SDR42E1: variants seen among roughly 807,000 people sequenced by gnomAD.
The protein encoded by SDR42E1 is short chain dehydrogenase/reductase family 42E, member 1, also known as short-chain dehydrogenase/reductase family 42E member 1.
In SDR42E1, 5 loss-of-function variants were observed where a neutral mutation model predicts 2.6. The ratio of observed to expected loss-of-function variants is 1.94; its 90% CI spans 1.01 to 4.08. The LOEUF (loss-of-function observed/expected upper bound fraction) is 4.08, where lower values mean the gene tolerates loss of function less well. SDR42E1 is among the 30% of genes most tolerant of loss of function. SDR42E1 has a pLI of 0.00. For missense variants in SDR42E1, 596 were observed against 478.6 expected (o/e 1.25, Z -2.29); for synonymous variants, 231 against 188.3 (o/e 1.23, Z -1.86).
chr16:82,008,507 G>C (rs1157704071), intron 1 of SDR42E1, among the ~76,000 whole-genome samples: 1 of 152,218 alleles, frequency 6.6e-6, no homozygotes, highest in African/African-American at 2.4e-5. Context: ...GGTGGTCTCA[G>C]AGATGAGGAA....
chr16:82,002,847 C>T (rs1024741176), intron 1 of SDR42E1, among the ~76,000 whole-genome samples: 7 of 152,198 alleles, frequency 4.6e-5, no homozygotes, highest in South Asian at 4.1e-4. Context: ...TCCAACAAAA[C>T]ACCTGACACC....
chr16:82,007,708 G>C (rs1397018711), intron 1 of SDR42E1: 1 of 152,288 alleles, frequency 6.6e-6, no homozygotes, highest in Non-Finnish European at 1.5e-5. Context: ...GCAGTTCCCA[G>C]AGAAAATGAA....
Position 81,989,107 on chromosome 16 carries a change from C to A in SDR42E1, c.*10004G>T, listed in dbSNP as rs753114457. 2 of 152,092 alleles carry A rather than the reference C, an allele frequency of 1.3e-5. No homozygotes were observed. The highest frequency in any genetic ancestry group is 2.9e-5 in the Non-Finnish European group (2 of 68,024). 9.4% of individuals were successfully genotyped at this position (152,092 alleles called of 1,614,324 possible). ...GGACATACCTGAGAGTGAAAGGAAG[C>A]ACTATTAAAAATTAAGGTGGGACTA... On this transcript the variant is annotated 3_prime_UTR_variant, in exon 3 of 3. Coordinates refer to ENST00000328945, the MANE Select transcript of SDR42E1 (RefSeq NM_145168.3).
rs1874084965 is a variant in SDR42E1, at chr16:81,996,628, C to T, written c.*2483G>A. The T allele has an allele frequency of 6.6e-6, 1 of 152,086 alleles. No individual in the cohort carries two copies. The highest frequency in any genetic ancestry group is 1.5e-5 in the Non-Finnish European group (1 of 68,066). 9.4% of individuals were successfully genotyped at this position (152,086 alleles called of 1,614,324 possible). A position where few individuals can be genotyped will look rare whatever the true frequency, so the allele number is the denominator to read the frequency against. ...GTCTGGAACTGTACATCTAGTAGTA[C>T]ATATTTGGGCTGGGAGATGAAAATG... On this transcript the variant is annotated 3_prime_UTR_variant, in exon 3 of 3. Coordinates refer to ENST00000328945, the MANE Select transcript of SDR42E1 (RefSeq NM_145168.3).
intron 1 of SDR42E1, among the ~76,000 whole-genome samples, chr16:82,001,242 A>T (rs1396087681): frequency 1.3e-5 from 2 of 152,142 alleles, no homozygotes; most frequent in Non-Finnish European, 2.9e-5. Flanking sequence ...AATTGATTCA[A>T]ATTTGGTAGG....
rs1185589377 is a variant in SDR42E1 at position 81,992,294 on chromosome 16, T to C, written c.*6817A>G. The C allele has an allele frequency of 6.6e-6, 1 of 152,236 alleles. No homozygotes were observed. Among genetic ancestry groups the C allele is most frequent in the East Asian group, 1.9e-4 (1 of 5,198 alleles). 9.4% of individuals were successfully genotyped at this position (152,236 alleles called of 1,614,324 possible). A position where few individuals can be genotyped will look rare whatever the true frequency, so the allele number is the denominator to read the frequency against. ...AGGTTAATATTGATCATTAGCTTCATGTTGAACATTCCCAGAAGCTAAATC... is the reference window on the plus strand; with the variant it reads ...AGGTTAATATTGATCATTAGCTTCACGTTGAACATTCCCAGAAGCTAAATC... On this transcript the variant is annotated 3_prime_UTR_variant, in exon 3 of 3. Coordinates refer to ENST00000328945, the MANE Select transcript of SDR42E1 (RefSeq NM_145168.3).
rs1298750314 is a variant in SDR42E1, at chr16:81,995,183, G to A, written c.*3928C>T. On this transcript the variant is annotated 3_prime_UTR_variant, in exon 3 of 3. Coordinates refer to ENST00000328945, the MANE Select transcript of SDR42E1 (RefSeq NM_145168.3). ...CATTGCGACCCTCCATCAATCATAT[G>A]GATAACCTCCCACACACTCCTCAGA... 1.3e-5 allele frequency: 2 copies of A among 152,188 alleles called. No individual in the cohort carries two copies. The highest frequency in any genetic ancestry group is 6.5e-5 in the Admixed American group (1 of 15,268). 9.4% of individuals were successfully genotyped at this position (152,188 alleles called of 1,614,324 possible).
At position 81,998,817 on chromosome 16, in the gene SDR42E1, T is replaced by A. The variant is rs1171655122; in HGVS notation, c.*294A>T. 5 of 361,848 alleles carry A rather than the reference T, an allele frequency of 1.4e-5. No individual in the cohort carries two copies. Among genetic ancestry groups the A allele is most frequent in the African/African-American group, 2.1e-5 (1 of 47,482 alleles). 22.4% of individuals were successfully genotyped at this position (361,848 alleles called of 1,614,324 possible). A position where few individuals can be genotyped will look rare whatever the true frequency, so the allele number is the denominator to read the frequency against. ...CCCTCTCAGAAATTCAAGATGGGCA[T>A]CTCCAACTCAACTAAGCCTACTTCT... On this transcript the variant is annotated 3_prime_UTR_variant, in exon 3 of 3. Transcript: ENST00000328945.
In SDR42E1 at chr16:81,994,184, C is replaced by T. The variant is rs1912490735; in HGVS notation, c.*4927G>A. On this transcript the variant is annotated 3_prime_UTR_variant, in exon 3 of 3. Transcript: ENST00000328945. ...ACGATCTGGAATGATGAGCGTCCCG[C>T]AGGCAGCGTTACGGAACCCCAGTGT... 1 of 152,178 alleles carries T rather than the reference C, an allele frequency of 6.6e-6. No homozygotes were observed. Among genetic ancestry groups the T allele is most frequent in the Admixed American group, 6.5e-5 (1 of 15,284 alleles). The allele number at this position is 152,178 out of a possible 1,614,324, so 9.4% of individuals were successfully genotyped here.
chr16:82,005,970 G>A (rs1343554080), intron 1 of SDR42E1, among the ~76,000 whole-genome samples: 1 of 152,172 alleles, frequency 6.6e-6, no homozygotes, highest in Non-Finnish European at 1.5e-5. Context: ...AATAAAAGAT[G>A]ACTGGGAGTA....
intron 1 of SDR42E1, chr16:82,007,588 G>C (rs1336582789): frequency 6.6e-6 from 1 of 152,188 alleles, no homozygotes; most frequent in Admixed American, 6.5e-5. Flanking sequence ...TCATCTTAAC[G>C]CAGCAGCACT....
At position 81,990,375 on chromosome 16, in the gene SDR42E1, T is replaced by A. The variant is rs577759692; in HGVS notation, c.*8736A>T. 6.6e-6 allele frequency: 1 copy of A among 152,350 alleles called. No individual in the cohort carries two copies. The highest frequency in any genetic ancestry group is 1.9e-4 in the East Asian group (1 of 5,188). 9.4% of individuals were successfully genotyped at this position (152,350 alleles called of 1,614,324 possible). ...CAGGAAATCAATGAAACATTTTCAC[T>A]GAACCATCTCTACCCGCATATGCAG... is the stretch of plus-strand genomic sequence containing the variant. On this transcript the variant is annotated 3_prime_UTR_variant, in exon 3 of 3. Coordinates refer to ENST00000328945, the MANE Select transcript of SDR42E1 (RefSeq NM_145168.3).
chr16:82,004,663 G>T (rs1912877997), intron 1 of SDR42E1, among the ~76,000 whole-genome samples: 1 of 152,172 alleles, frequency 6.6e-6, no homozygotes, highest in African/African-American at 2.4e-5. Context: ...ATGATGCCTG[G>T]CTAATTGAAT....
At position 81,991,340 on chromosome 16, in the gene SDR42E1, G is replaced by A. The variant is rs1444912340; in HGVS notation, c.*7771C>T. ...AGTTACTCATTTTTTGTAACAAATA[G>A]TTTACTTTAATTGCAAATGAAGTTC... On this transcript the variant is annotated 3_prime_UTR_variant, in exon 3 of 3. Coordinates refer to ENST00000328945, the MANE Select transcript of SDR42E1 (RefSeq NM_145168.3). The A allele has an allele frequency of 1.3e-5, 2 of 152,064 alleles. No individual in the cohort carries two copies. The highest frequency in any genetic ancestry group is 4.8e-5 in the African/African-American group (2 of 41,396). 9.4% of individuals were successfully genotyped at this position (152,064 alleles called of 1,614,324 possible). A position where few individuals can be genotyped will look rare whatever the true frequency, so the allele number is the denominator to read the frequency against.
At position 81,993,234 on chromosome 16, in the gene SDR42E1, C is replaced by A. The variant is rs1912467512; in HGVS notation, c.*5877G>T. The A allele has an allele frequency of 6.6e-6, 1 of 152,082 alleles. No individual in the cohort carries two copies. Among genetic ancestry groups the A allele is most frequent in the African/African-American group, 2.4e-5 (1 of 41,406 alleles). The allele number at this position is 152,082 out of a possible 1,614,324, so 9.4% of individuals were successfully genotyped here. On this transcript the variant is annotated 3_prime_UTR_variant, in exon 3 of 3. Coordinates refer to ENST00000328945, the MANE Select transcript of SDR42E1 (RefSeq NM_145168.3). ...TAGCAAAGCACTGCAAAGGGAAGAG[C>A]CAAGCAGAAGTCAGGAGCCTCTCAG...
At chr16:82,002,778 A>C (rs1316421414) in intron 1 of SDR42E1, among the ~76,000 whole-genome samples, 1 of 152,196 alleles carries the variant, frequency 6.6e-6, no homozygotes, top group Non-Finnish European at 1.5e-5. Context: ...TGCTTCATCT[A>C]AAAGTGGAGC....
In SDR42E1 at chr16:82,000,237, A is replaced by G; in HGVS notation, c.69-13T>C. 1 of 1,601,600 alleles carries G rather than the reference A, an allele frequency of 6.2e-7. No homozygotes were observed. The highest frequency in any genetic ancestry group is 1.3e-5 in the African/African-American group (1 of 74,980). On this transcript the variant is annotated splice_polypyrimidine_tract_variant and intron_variant, in intron 2 of 2. Transcript: ENST00000328945. ...GGCACAGCCCAGGCTGAAATAAGAA[A>G]CAGTAAACGTTGAATCAAGTCACTC...
chr16:82,003,216 C>T (rs1488316168), intron 1 of SDR42E1, among the ~76,000 whole-genome samples: 5 of 152,164 alleles, frequency 3.3e-5, no homozygotes, highest in African/African-American at 7.2e-5. Flanking sequence ...GCAACTGCCA[C>T]GGTTGTGCTT....
At chr16:82,003,222 T>G (rs930167435) in intron 1 of SDR42E1, among the ~76,000 whole-genome samples, 3 of 152,216 alleles carry the variant, frequency 2.0e-5, no homozygotes, top group African/African-American at 7.2e-5. Context: ...GCCACGGTTG[T>G]GCTTTCAAGA....
Sources: gnomAD v4.1 joint callset for allele counts (sites outside exome capture counted in the v4.1 genomes callset) on GRCh38, gnomAD v4.1.1 for gene constraint, MANE v1.5 for transcripts, NCBI Gene and HGNC (gene_info 2026-07-23, HGNC 2026-07-21) for gene names.